HEPHL1: variants seen among roughly 807,000 people sequenced by gnomAD.
HEPHL1 encodes the protein ferroxidase HEPHL1.
Under a neutral mutation model 122.0 loss-of-function variants are expected in HEPHL1, and 123 were observed. That is an observed-to-expected ratio of 1.01 (90% CI 0.87 to 1.17). The LOEUF (loss-of-function observed/expected upper bound fraction) is 1.17. HEPHL1 is among the 50% of genes most tolerant of loss of function. The pLI, the probability that HEPHL1 is intolerant of heterozygous loss-of-function variation, is 0.00. For missense variants in HEPHL1, 1,452 were observed against 1,430.5 expected (o/e 1.01, Z -0.24); for synonymous variants, 527 against 508.9 (o/e 1.04, Z -0.48).
At chr11:94,099,514 G>C (rs932026145) in intron 13 of HEPHL1, among the ~76,000 whole-genome samples, 1 of 152,156 alleles carries the variant, frequency 6.6e-6, no homozygotes, top group Non-Finnish European at 1.5e-5. Flanking sequence ...ACTCTGTGCT[G>C]GGAGAACCAC....
chr11:94,099,075 G>A (rs546306145), intron 13 of HEPHL1, among the ~76,000 whole-genome samples: 2 of 152,200 alleles, frequency 1.3e-5, no homozygotes, highest in African/African-American at 4.8e-5. Context: ...TTCCTTTGGT[G>A]GGGGAGAGGC....
chr11:94,102,806 A>G (rs1946377894), intron 14 of HEPHL1, 108 bp from the exon 15 acceptor site: 1 of 621,290 alleles, frequency 1.6e-6, no homozygotes, highest in Non-Finnish European at 2.8e-6. Flanking sequence ...AATTCTCTCC[A>G]GCAATAAACA....
At position 94,082,433 on chromosome 11, in the gene HEPHL1, G is replaced by T; in HGVS notation, c.1732G>T (p.Glu578Ter). ...TTCTCTGTAGAAAGGAATAGACAAGGAGTTTTACCTACTGTTCACAGTCTT... is the reference window on the plus strand; with the variant it reads ...TTCTCTGTAGAAAGGAATAGACAAGTAGTTTTACCTACTGTTCACAGTCTT... ...ADGTQKGIDK[E>*]FYLLFTVFDE... Residue 578 changes from glutamate (E) to a stop codon, truncating the protein, a stop_gained, in exon 10 of 20, where the codon GAG becomes TAG. Coordinates refer to ENST00000315765, the MANE Select transcript of HEPHL1 (RefSeq NM_001098672.2). LOFTEE classifies it high-confidence loss of function. The T allele has an allele frequency of 6.2e-7, 1 of 1,610,268 alleles. No individual in the cohort carries two copies. Among genetic ancestry groups the T allele is most frequent in the Non-Finnish European group, 8.5e-7 (1 of 1,177,660 alleles).
At chr11:94,031,190 A>G (rs1378246977) in intron 1 of HEPHL1, among the ~76,000 whole-genome samples, 1 of 152,134 alleles carries the variant, frequency 6.6e-6, no homozygotes, top group Non-Finnish European at 1.5e-5. Context: ...CTACAACAGT[A>G]TAAAAGAGGA....
rs1946045260 is a variant in HEPHL1, at chr11:94,067,676, TC to T, written c.991del (p.Thr332GlnfsTer4). ...TDVVNLFPAT[F>X]LTTEMIAENP... Reference sequence around the variant, plus strand: ...GTCGTCAACCTGTTCCCAGCCACCTTCCTTACAACAGAAATGATAGCCGAGA... The same window carrying T: ...GTCGTCAACCTGTTCCCAGCCACCTTCTTACAACAGAAATGATAGCCGAGA... On this transcript the variant is annotated frameshift_variant, in exon 5 of 20. Coordinates refer to ENST00000315765, the MANE Select transcript of HEPHL1 (RefSeq NM_001098672.2). LOFTEE classifies it high-confidence loss of function. 3 of 1,613,606 alleles carry T rather than the reference TC, an allele frequency of 1.9e-6. No homozygotes were observed. The African/African-American group carries it at 4.0e-5, about 22-fold the overall frequency.
intron 2 of HEPHL1, among the ~76,000 whole-genome samples, chr11:94,050,698 T>A (rs1945882105): frequency 1.3e-5 from 2 of 152,154 alleles, no homozygotes; most frequent in Admixed American, 6.6e-5. Flanking sequence ...TATTCTAAAA[T>A]GCACAATTAA....
chr11:94,028,268 G>T (rs904405049), intron 1 of HEPHL1, among the ~76,000 whole-genome samples: 19 of 152,120 alleles, frequency 1.2e-4, no homozygotes, highest in Admixed American at 1.0e-3. Context: ...CTTGGCCCCA[G>T]TTTCTAGTTT....
chr11:94,094,013 T>TATATATATATATATATATATATATAA (rs1485344204), intron 13 of HEPHL1, among the ~76,000 whole-genome samples: 1 of 121,696 alleles, frequency 8.2e-6, no homozygotes, highest in Admixed American at 7.8e-5. Context: ...TATATATATA[T>TATATATATATATATATATATATATAA]AAAACTTTAA....
chr11:94,058,734 T>A (rs1591472487), intron 2 of HEPHL1, among the ~76,000 whole-genome samples: 1 of 152,102 alleles, frequency 6.6e-6, no homozygotes, highest in Non-Finnish European at 1.5e-5. Context: ...TTTATTTTAT[T>A]TGTTTTATTT....
chr11:94,067,611 C>A lies in HEPHL1; in HGVS notation c.924C>A (p.Phe308Leu). Residue 308 changes from phenylalanine (F) to leucine (L), a missense_variant, in exon 5 of 20, where the codon TTC becomes TTA. By Grantham distance (22) the Phe-to-Leu change is conservative (BLOSUM62 0). Transcript: ENST00000315765. Reference protein sequence around the residue: ...GNEIDIHSIYFYGNTFISRGH... With the variant: ...GNEIDIHSIYLYGNTFISRGH... ...AAATAGACATCCATTCTATCTATTTCTATGGTAACACCTTCATCAGCAGAG... is the reference window on the plus strand; with the variant it reads ...AAATAGACATCCATTCTATCTATTTATATGGTAACACCTTCATCAGCAGAG... 1.2e-6 allele frequency: 2 copies of A among 1,613,816 alleles called. No homozygotes were observed. Among genetic ancestry groups the A allele is most frequent in the Non-Finnish European group, 1.7e-6 (2 of 1,179,746 alleles).
At chr11:94,024,318 A>T (rs996688259) in intron 1 of HEPHL1, among the ~76,000 whole-genome samples, 4 of 152,146 alleles carry the variant, frequency 2.6e-5, no homozygotes, top group African/African-American at 9.7e-5. Flanking sequence ...CACTTTCCTT[A>T]ATTTGTGTAA....
At chr11:94,098,008 C>T (rs989264350) in intron 13 of HEPHL1, among the ~76,000 whole-genome samples, 1 of 152,270 alleles carries the variant, frequency 6.6e-6, no homozygotes. Flanking sequence ...ACATTTCACC[C>T]ATTTACATTT....
intron 16 of HEPHL1, 60 bp downstream of exon 16, chr11:94,104,810 A>C: frequency 7.9e-7 from 1 of 1,271,070 alleles, no homozygotes; most frequent in Non-Finnish European, 1.1e-6. Flanking sequence ...ATTCCTGTAA[A>C]TGTAGGAGGC....
chr11:94,024,704 T>C (rs1945609378), intron 1 of HEPHL1, among the ~76,000 whole-genome samples: 1 of 152,162 alleles, frequency 6.6e-6, no homozygotes. Context: ...GGGGTCTTTA[T>C]CATGAACTTG....
At chr11:94,027,203 T>A (rs1191930786) in intron 1 of HEPHL1, among the ~76,000 whole-genome samples, 3 of 152,206 alleles carry the variant, frequency 2.0e-5, no homozygotes, top group Admixed American at 2.0e-4. Flanking sequence ...CTCTTACTTA[T>A]AAGGATGCTT....
intron 17 of HEPHL1, 125 bp from the exon 18 acceptor site, chr11:94,110,778 C>T: frequency 1.5e-6 from 1 of 664,428 alleles, no homozygotes. Context: ...ATTCTTGATT[C>T]CTGCTCTTTC....
At chr11:94,098,030 T>G (rs1946333339) in intron 13 of HEPHL1, among the ~76,000 whole-genome samples, 1 of 152,234 alleles carries the variant, frequency 6.6e-6, no homozygotes, top group Non-Finnish European at 1.5e-5. Flanking sequence ...AGGTTAATAT[T>G]GTTATGTGTG....
At chr11:94,038,282 T>A (rs1945744040) in intron 1 of HEPHL1, among the ~76,000 whole-genome samples, 1 of 147,474 alleles carries the variant, frequency 6.8e-6, no homozygotes, top group African/African-American at 2.5e-5. Context: ...TGGAACCAAG[T>A]TGGAAAACAC....
At chr11:94,028,101 C>T (rs1945642061) in intron 1 of HEPHL1, among the ~76,000 whole-genome samples, 1 of 152,120 alleles carries the variant, frequency 6.6e-6, no homozygotes, top group Non-Finnish European at 1.5e-5. Flanking sequence ...TGCAGTTTAT[C>T]TTCATCTTAT....
Sources: allele counts gnomAD v4.1 joint callset (sites outside exome capture counted in the v4.1 genomes callset), GRCh38; gene constraint gnomAD v4.1.1; transcripts MANE v1.5; gene names NCBI Gene and HGNC (gene_info 2026-07-23, HGNC 2026-07-21).